The following AOPEP variants were observed in gnomAD, a reference collection of about 807,000 sequenced individuals.
The protein encoded by AOPEP is aminopeptidase O.
AOPEP carries 77 observed loss-of-function variants against 98.1 expected under a neutral mutation model. That is an observed-to-expected ratio of 0.78 (90% CI 0.65 to 0.95). AOPEP has a LOEUF of 0.95. AOPEP is among the 40% of genes least tolerant of loss of function. The pLI is 0.00. For synonymous variants in AOPEP, 346 were observed against 365.3 expected, an observed-to-expected ratio of 0.95 and a Z score of 0.60; for missense variants, 1,024 against 1,024.7, an observed-to-expected ratio of 1.00 and a Z score of 0.01.
chr9:95,092,337 C>A, the AOPEP span, among the ~76,000 whole-genome samples: 2 of 152,256 alleles, frequency 1.3e-5, no homozygotes, highest in African/African-American at 4.8e-5. Context: ...CAGCATCTGG[C>A]TGCTCTGCCA....
chr9:95,104,860 C>T, the AOPEP span, among the ~76,000 whole-genome samples: 3 of 152,148 alleles, frequency 2.0e-5, no homozygotes, highest in East Asian at 5.8e-4. Context: ...TCCCCACTGC[C>T]CCTCCCCAGC....
the AOPEP span, among the ~76,000 whole-genome samples, chr9:95,135,983 C>T: frequency 2.4e-3 from 359 of 152,324 alleles, no homozygotes; most frequent in Non-Finnish European, 4.0e-3. Context: ...GGGCCTATCT[C>T]CTTCACAGTG....
intron 13 of AOPEP, among the ~76,000 whole-genome samples, chr9:95,015,990 C>T (rs2062950748): frequency 6.6e-6 from 1 of 152,134 alleles, no homozygotes; most frequent in Non-Finnish European, 1.5e-5. Flanking sequence ...GTATGAACCA[C>T]TTTGCCTGGC....
chr9:95,057,369 A>G (rs546301652), intron 13 of AOPEP, among the ~76,000 whole-genome samples: 2 of 152,330 alleles, frequency 1.3e-5, no homozygotes, highest in Admixed American at 6.5e-5. Flanking sequence ...AGTGGTCCAC[A>G]TAGCATGTCC....
chr9:95,091,426 G>T (rs77242988), downstream of AOPEP, among the ~76,000 whole-genome samples: 2 of 152,196 alleles, frequency 1.3e-5, no homozygotes, highest in East Asian at 3.9e-4. Flanking sequence ...AAAGTGTGGT[G>T]GCTCTTTGGT....
At chr9:94,804,387 A>T (rs527819901) in intron 5 of AOPEP, among the ~76,000 whole-genome samples, 5 of 152,134 alleles carry the variant, frequency 3.3e-5, no homozygotes, top group African/African-American at 4.8e-5. Context: ...TTGTATTTGA[A>T]TTTCAAGAAT....
intron 5 of AOPEP, among the ~76,000 whole-genome samples, chr9:94,864,634 TAAG>T (rs1057223675): frequency 1.4e-4 from 21 of 152,038 alleles, no homozygotes; most frequent in Admixed American, 9.8e-4. Context: ...TAAAGACCAT[TAAG>T]AAAAGTGTTG....
chr9:94,920,536 T>C (rs920831336), intron 5 of AOPEP, among the ~76,000 whole-genome samples: 33 of 152,118 alleles, frequency 2.2e-4, no homozygotes, highest in African/African-American at 7.2e-4. Flanking sequence ...CACAGCAAGA[T>C]GGGCCGTGCT....
intron 5 of AOPEP, among the ~76,000 whole-genome samples, chr9:94,840,060 G>A (rs977377949): frequency 2.6e-5 from 4 of 152,166 alleles, no homozygotes; most frequent in East Asian, 1.9e-4. Context: ...GAGCCACCTC[G>A]TCTGGCCTCT....
At chr9:94,835,026 G>C (rs2041410438) in intron 5 of AOPEP, among the ~76,000 whole-genome samples, 1 of 152,122 alleles carries the variant, frequency 6.6e-6, no homozygotes, top group Admixed American at 6.5e-5. Flanking sequence ...AAAGGAAGAG[G>C]CATGGTAATA....
At chr9:95,073,330 G>A (rs1039657527) in intron 14 of AOPEP, among the ~76,000 whole-genome samples, 8 of 152,164 alleles carry the variant, frequency 5.3e-5, no homozygotes, top group African/African-American at 1.9e-4. Context: ...CTGAGCCGAC[G>A]AGGGTCCAGC....
intron 3 of AOPEP, among the ~76,000 whole-genome samples, chr9:94,790,816 G>T (rs1845546091): frequency 6.6e-6 from 1 of 151,842 alleles, no homozygotes; most frequent in Non-Finnish European, 1.5e-5. Context: ...GCCAGTAGGG[G>T]CATGTTAATA....
chr9:95,072,724 A>G (rs570646014), intron 14 of AOPEP, among the ~76,000 whole-genome samples: 2 of 152,242 alleles, frequency 1.3e-5, no homozygotes, highest in Non-Finnish European at 2.9e-5. Context: ...AAGCAATCAA[A>G]TAAGGGTGAG....
chr9:94,969,243 A>C (rs932995477), intron 10 of AOPEP, among the ~76,000 whole-genome samples: 1 of 151,918 alleles, frequency 6.6e-6, no homozygotes, highest in African/African-American at 2.4e-5. Flanking sequence ...CCCTGGAAGG[A>C]GGGAGATTCT....
chr9:94,932,971 T>TTAG, intron 7 of AOPEP: 1 of 985,444 alleles, frequency 1.0e-6, no homozygotes, highest in East Asian at 1.1e-4. Context: ...TTTCAAAATG[T>TTAG]TAGGGGTCAC....
chr9:94,775,954 G>C (rs924171360), intron 3 of AOPEP, among the ~76,000 whole-genome samples: 1 of 151,842 alleles, frequency 6.6e-6, no homozygotes, highest in African/African-American at 2.4e-5. Context: ...ACTCCAGCCT[G>C]GGTGACAGAG....
At chr9:94,931,931 C>A (rs2055381924) in intron 7 of AOPEP, 1 of 1,134,320 alleles carries the variant, frequency 8.8e-7, no homozygotes, top group Non-Finnish European at 1.2e-6. Flanking sequence ...ACTTCAATAG[C>A]CCAAGGCTCA....
At chr9:95,069,424 A>T (rs988795781) in intron 14 of AOPEP, among the ~76,000 whole-genome samples, 4 of 151,786 alleles carry the variant, frequency 2.6e-5, no homozygotes, top group African/African-American at 9.7e-5. Context: ...AGGGTGTATT[A>T]TTTTCTAATT....
At chr9:95,119,841 A>G in the AOPEP span, among the ~76,000 whole-genome samples, 1 of 152,102 alleles carries the variant, frequency 6.6e-6, no homozygotes, top group South Asian at 2.1e-4. Context: ...CCTCCCGAGT[A>G]GCTAGGACAA....
Sources: allele counts gnomAD v4.1 joint callset (sites outside exome capture counted in the v4.1 genomes callset), GRCh38; gene constraint gnomAD v4.1.1; transcripts MANE v1.5; gene names NCBI Gene and HGNC (gene_info 2026-07-23, HGNC 2026-07-21).